The following MAP2K5 variants were observed in gnomAD, a reference collection of about 807,000 sequenced individuals.
The protein encoded by MAP2K5 is mitogen-activated protein kinase kinase 5, also known as dual specificity mitogen-activated protein kinase kinase 5.
Under a neutral mutation model 83.1 loss-of-function variants are expected in MAP2K5, and 49 were observed. That is an observed-to-expected ratio of 0.59 (90% CI 0.47 to 0.75). The LOEUF (loss-of-function observed/expected upper bound fraction) is 0.75, where lower values mean the gene tolerates loss of function less well. Ranked by LOEUF, MAP2K5 falls within the 30% of genes least tolerant of loss-of-function variation. The pLI, the probability that MAP2K5 is intolerant of heterozygous loss-of-function variation, is 0.00. For synonymous variants in MAP2K5, 202 were observed against 191.8 expected (o/e 1.05, Z -0.44); for missense variants, 457 against 557.5 (o/e 0.82, Z 1.82).
At position 67,782,386 on chromosome 15, in the gene MAP2K5, T is replaced by C. The variant is rs1202511035; in HGVS notation, c.1242+9634T>C. 1.8e-4 allele frequency among the ~76,000 whole-genome samples: 27 copies of C among 152,176 alleles called. No individual in the cohort carries two copies. Among genetic ancestry groups the C allele is most frequent in the Non-Finnish European group, 4.0e-4 (27 of 68,036 alleles). ...TAGCAGAAACAGATGCCCTAACCAT[T>C]TTGGGGGATTGATTTGAGGGCACCG... is the stretch of plus-strand genomic sequence containing the variant. On this transcript the variant is annotated intron_variant, in intron 21 of 21. Coordinates refer to ENST00000178640, the MANE Select transcript of MAP2K5 (RefSeq NM_145160.3). This position sits in a 1 kb window ranked among gnomAD's most constrained non-coding sequence, Gnocchi z 4.9.
rs1262916377 is a variant in MAP2K5 at position 67,750,836 on chromosome 15, G to A, written c.1134+2235G>A. On this transcript the variant is annotated intron_variant, in intron 19 of 21. Transcript: ENST00000178640. The surrounding 1 kb of genome is among the most constrained non-coding windows in gnomAD (Gnocchi z 4.2). ...TTGAGCCGTTTTACTGCTTGGGAGT[G>A]GGATTTACCCCGTTGTGAAGTGGGT... is the stretch of plus-strand genomic sequence containing the variant. 1.3e-5 allele frequency among the ~76,000 whole-genome samples: 2 copies of A among 151,916 alleles called. No homozygotes were observed. Among genetic ancestry groups the A allele is most frequent in the African/African-American group, 2.4e-5 (1 of 41,350 alleles).
At chr15:67,560,597 T>A (rs2084715007) in intron 2 of MAP2K5, among the ~76,000 whole-genome samples, 1 of 152,264 alleles carries the variant, frequency 6.6e-6, no homozygotes, top group Non-Finnish European at 1.5e-5. Flanking sequence ...CAACATTTTA[T>A]CACTGGGTTG....
At chr15:67,635,465 G>A (rs754062657) in intron 9 of MAP2K5, among the ~76,000 whole-genome samples, 9 of 152,082 alleles carry the variant, frequency 5.9e-5, no homozygotes, top group East Asian at 1.9e-4. Context: ...GTGAGTCACC[G>A]TGCCCGGCCT....
rs915641918 is a variant in MAP2K5, at chr15:67,722,489, T to C, written c.1045-5427T>C. 6.6e-6 allele frequency among the ~76,000 whole-genome samples: 1 copy of C among 152,204 alleles called. No homozygotes were observed. The highest frequency in any genetic ancestry group is 6.5e-5 in the Admixed American group (1 of 15,286). On this transcript the variant is annotated intron_variant, in intron 16 of 21. Transcript: ENST00000178640. This position sits in a 1 kb window ranked among gnomAD's most constrained non-coding sequence, Gnocchi z 4.2. ...CTTTAACACCGGTAAATTGCTGTTA[T>C]ATCCTTTGGATTGTTTTTAAACCAT...
At chr15:67,664,167 T>A (rs2087310140) in intron 12 of MAP2K5, among the ~76,000 whole-genome samples, 1 of 151,882 alleles carries the variant, frequency 6.6e-6, no homozygotes, top group Non-Finnish European at 1.5e-5. Flanking sequence ...ATGGGAGGTG[T>A]TCAGTAAATG....
rs1204110213 is a variant in MAP2K5 at position 67,677,278 on chromosome 15, C to T, written c.847+12633C>T. On this transcript the variant is annotated intron_variant, in intron 13 of 21. Coordinates refer to ENST00000178640, the MANE Select transcript of MAP2K5 (RefSeq NM_145160.3). This position sits in a 1 kb window ranked among gnomAD's most constrained non-coding sequence, Gnocchi z 4.2. ...TAGTCGAAGCCTCTAGTTTTGTGTCCTTGGGCAAGTAATTTCATTAATTTG... is the reference window on the plus strand; with the variant it reads ...TAGTCGAAGCCTCTAGTTTTGTGTCTTTGGGCAAGTAATTTCATTAATTTG... Among the ~76,000 whole-genome samples, 1 of 152,094 alleles carries T rather than the reference C, an allele frequency of 6.6e-6. No homozygotes were observed. The highest frequency in any genetic ancestry group is 1.5e-5 in the Non-Finnish European group (1 of 68,030).
chr15:67,629,352 C>T (rs1290171574), intron 8 of MAP2K5, among the ~76,000 whole-genome samples: 4 of 151,088 alleles, frequency 2.6e-5, no homozygotes, highest in Non-Finnish European at 5.9e-5. Flanking sequence ...AGTTCCTGTT[C>T]CATGGAAAGT....
chr15:67,592,452 A>C (rs551971620), intron 6 of MAP2K5, among the ~76,000 whole-genome samples: 1 of 152,200 alleles, frequency 6.6e-6, no homozygotes, highest in Non-Finnish European at 1.5e-5. Context: ...ACCAGGATTT[A>C]TTTGTACTAC....
At chr15:67,549,690 C>T (rs116954844) in intron 1 of MAP2K5, among the ~76,000 whole-genome samples, 7,690 of 152,240 alleles carry the variant, frequency 0.051, 267 homozygotes, top group Non-Finnish European at 0.074. Context: ...ACTCTCAAAA[C>T]CCCTCTCTCT....
rs1476455901 is a variant in MAP2K5, at chr15:67,708,562, C to T, written c.1044+5154C>T. Among the ~76,000 whole-genome samples the T allele has an allele frequency of 6.6e-6, 1 of 152,046 alleles. No homozygotes were observed. Among genetic ancestry groups the T allele is most frequent in the Non-Finnish European group, 1.5e-5 (1 of 68,004 alleles). The stretch of plus-strand genomic sequence containing the variant: ...CAGTGTTGCCTCGAATTCCTGGGGT[C>T]AAGTGATCCTCCTGCCTCAGCCTCT... On this transcript the variant is annotated intron_variant, in intron 16 of 21. Transcript: ENST00000178640. This position sits in a 1 kb window ranked among gnomAD's most constrained non-coding sequence, Gnocchi z 4.9.
At chr15:67,554,787 C>T (rs1276686001) in intron 2 of MAP2K5, among the ~76,000 whole-genome samples, 1 of 152,174 alleles carries the variant, frequency 6.6e-6, no homozygotes, top group South Asian at 2.1e-4. Context: ...GAGGAACACA[C>T]TTGTTGAATG....
At chr15:67,788,246 T>A (rs1278422818) in intron 21 of MAP2K5, among the ~76,000 whole-genome samples, 1 of 152,240 alleles carries the variant, frequency 6.6e-6, no homozygotes, top group East Asian at 1.9e-4. Context: ...CCAGGCCTTC[T>A]CCCCTTTTTT....
rs563096166 is a variant in MAP2K5 at position 67,577,949 on chromosome 15, A to C, written c.253-2805A>C. ...TGGGAGGTGTAGGTTGCAGTGGGCC[A>C]AGATTGTGCCACTGTACTCTAGCCT... On this transcript the variant is annotated intron_variant, in intron 3 of 21. Transcript: ENST00000178640. The surrounding 1 kb of genome is among the most constrained non-coding windows in gnomAD (Gnocchi z 4.1). Among the ~76,000 whole-genome samples, 38 of 152,216 alleles carry C rather than the reference A, an allele frequency of 2.5e-4. No homozygotes were observed. The highest frequency in any genetic ancestry group is 8.4e-4 in the African/African-American group (35 of 41,520).
intron 21 of MAP2K5, among the ~76,000 whole-genome samples, chr15:67,797,996 T>C (rs918193087): frequency 9.2e-5 from 14 of 152,138 alleles, no homozygotes; most frequent in African/African-American, 3.4e-4. Flanking sequence ...AATGTTTTCT[T>C]ACTCAAGAGG....
chr15:67,689,485 G>GT (rs897050797), intron 13 of MAP2K5, among the ~76,000 whole-genome samples: 57 of 151,480 alleles, frequency 3.8e-4, no homozygotes, highest in Middle Eastern at 3.4e-3. Flanking sequence ...TAATGATGAG[G>GT]TTTTTTTTTC....
At chr15:67,635,122 A>G (rs1736604302) in intron 9 of MAP2K5, among the ~76,000 whole-genome samples, 1 of 150,404 alleles carries the variant, frequency 6.6e-6, no homozygotes, top group East Asian at 1.9e-4. Context: ...ATTATCATCC[A>G]TTTTACATCA....
intron 20 of MAP2K5, among the ~76,000 whole-genome samples, chr15:67,771,669 A>G (rs1295148034): frequency 6.6e-6 from 1 of 152,168 alleles, no homozygotes; most frequent in Non-Finnish European, 1.5e-5. Context: ...AGAGGTGCAT[A>G]TGGTTATTTA....
Position 67,759,395 on chromosome 15 carries a change from C to CA in MAP2K5, c.1135-10198dup, listed in dbSNP as rs201457162. Among the ~76,000 whole-genome samples the CA allele has an allele frequency of 4.9e-3, 723 of 147,890 alleles. 2 individuals carry two copies. Among genetic ancestry groups the CA allele is most frequent in the Non-Finnish European group, 7.3e-3 (489 of 66,784 alleles). On this transcript the variant is annotated intron_variant, in intron 19 of 21. Coordinates refer to ENST00000178640, the MANE Select transcript of MAP2K5 (RefSeq NM_145160.3). ...GCAACATGGTGAGACCCGATCTCTA[C>CA]AAAAAAAAACAAAAATTAGCCAAGC... is the stretch of plus-strand genomic sequence containing the variant.
At chr15:67,705,962 G>A (rs1315688743) in intron 16 of MAP2K5, among the ~76,000 whole-genome samples, 3 of 152,070 alleles carry the variant, frequency 2.0e-5, no homozygotes, top group Admixed American at 1.3e-4. Context: ...GGTAGCCAGG[G>A]GCCAGGGCAA....
Sources: allele counts gnomAD v4.1 joint callset (sites outside exome capture counted in the v4.1 genomes callset), GRCh38; gene constraint gnomAD v4.1.1; non-coding constraint Gnocchi (gnomAD v3.1); transcripts MANE v1.5; gene names NCBI Gene and HGNC (gene_info 2026-07-23, HGNC 2026-07-21).